PDE8A: variants seen among roughly 807,000 people sequenced by gnomAD.
PDE8A encodes the protein phosphodiesterase 8A, also known as high affinity cAMP-specific and IBMX-insensitive 3',5'-cyclic phosphodiesterase 8A.
Under a neutral mutation model 105.0 loss-of-function variants are expected in PDE8A, and 59 were observed. That is an observed-to-expected ratio of 0.56 (90% CI 0.46 to 0.70). The LOEUF (loss-of-function observed/expected upper bound fraction) is 0.70, where lower values mean the gene tolerates loss of function less well. Ranked by LOEUF, PDE8A falls within the 30% of genes least tolerant of loss-of-function variation. The pLI is 0.00. For missense variants in PDE8A, 1,014 were observed against 1,045.9 expected (o/e 0.97, Z 0.42); for synonymous variants, 355 against 371.9 (o/e 0.95, Z 0.52).
intron 13 of PDE8A, 60 bp downstream of exon 13, chr15:85,113,507 T>C: frequency 7.2e-7 from 1 of 1,394,984 alleles, no homozygotes; most frequent in Non-Finnish European, 1.0e-6. Context: ...TCCCCAAGGA[T>C]CATTTCCAAT....
chr15:85,034,579 C>T (rs1047442724), intron 1 of PDE8A, among the ~76,000 whole-genome samples: 2 of 152,108 alleles, frequency 1.3e-5, no homozygotes, highest in Non-Finnish European at 2.9e-5. Context: ...CAAAGGGTAC[C>T]ATGTAAAGCT....
chr15:85,101,351 C>T (rs1157657682), intron 11 of PDE8A, among the ~76,000 whole-genome samples: 2 of 152,124 alleles, frequency 1.3e-5, no homozygotes, highest in African/African-American at 4.8e-5. Flanking sequence ...GTCTTCTAGA[C>T]AGGGAGAGGT....
intron 18 of PDE8A, among the ~76,000 whole-genome samples, chr15:85,121,652 A>G (rs1030045782): frequency 2.6e-4 from 40 of 152,116 alleles, no homozygotes; most frequent in Non-Finnish European, 5.1e-4. Context: ...TAACATGTAC[A>G]GTGGTTTTTA....
Position 85,126,375 on chromosome 15 carries a change from G to T in PDE8A, c.2253+1G>T. ...CATTTCGGAAGAATATTTTTCTCAGGTAAGTTGCTGCCTCTTTTAAGTTTC... is the reference window on the plus strand; with the variant it reads ...CATTTCGGAAGAATATTTTTCTCAGTTAAGTTGCTGCCTCTTTTAAGTTTC... On this transcript the variant is annotated splice_donor_variant, in intron 20 of 21. Coordinates refer to ENST00000394553, the MANE Select transcript of PDE8A (RefSeq NM_002605.3). LOFTEE classifies it high-confidence loss of function. 3.2e-6 allele frequency: 5 copies of T among 1,562,700 alleles called. No individual in the cohort carries two copies. The highest frequency in any genetic ancestry group is 4.3e-6 in the Non-Finnish European group (5 of 1,149,994).
At chr15:85,049,140 C>T (rs1486389828) in intron 1 of PDE8A, among the ~76,000 whole-genome samples, 2 of 152,054 alleles carry the variant, frequency 1.3e-5, no homozygotes, top group Admixed American at 6.6e-5. Flanking sequence ...AATGATTATA[C>T]AGACCAGATG....
In PDE8A at chr15:84,982,239, T is replaced by A; in HGVS notation, c.77T>A (p.Leu26Gln). 6.8e-7 allele frequency: 1 copy of A among 1,466,800 alleles called. No individual in the cohort carries two copies. The highest frequency in any genetic ancestry group is 1.3e-5 in the South Asian group (1 of 76,642). The allele number at this position is 1,466,800 out of a possible 1,614,324, so 90.9% of individuals were successfully genotyped here. The change falls in exon 1 of 22, where the codon CTG (leucine) becomes CAG (glutamine). Residue 26 changes from leucine to glutamine, a missense_variant. By Grantham distance (113) the Leu-to-Gln change is moderately radical. Transcript: ENST00000394553. ...EDAPSPAAPP[L>Q]SSGGPRLPQG... ...GCGCCTAGCCCCGCGGCACCGCCGC[T>A]GTCGTCCGGCGGGCCGCGCCTCCCG...
intron 1 of PDE8A, among the ~76,000 whole-genome samples, chr15:85,021,630 G>GA (rs199896773): frequency 9.3e-5 from 14 of 151,178 alleles, no homozygotes; most frequent in East Asian, 3.9e-4. Flanking sequence ...AACAGCAGAA[G>GA]AAAAAAAAAT....
intron 1 of PDE8A, among the ~76,000 whole-genome samples, chr15:84,993,766 C>G (rs1195297898): frequency 2.0e-5 from 3 of 152,068 alleles, no homozygotes; most frequent in East Asian, 3.9e-4. Context: ...TGGTGCACAC[C>G]TGTAATCCCA....
intron 1 of PDE8A, among the ~76,000 whole-genome samples, chr15:85,032,737 A>G (rs913412650): frequency 2.0e-5 from 3 of 152,198 alleles, no homozygotes; most frequent in African/African-American, 7.2e-5. Flanking sequence ...TTTAAGTGGA[A>G]AAATGCATGG....
At chr15:85,056,354 C>T (rs2081059969) in intron 1 of PDE8A, among the ~76,000 whole-genome samples, 1 of 152,128 alleles carries the variant, frequency 6.6e-6, no homozygotes, top group South Asian at 2.1e-4. Context: ...GAATGTTGGC[C>T]TGCCTTGGTA....
At position 85,098,378 on chromosome 15, in the gene PDE8A, G is replaced by A. The variant is rs368917145; in HGVS notation, c.941+342G>A. 8.5e-5 allele frequency among the ~76,000 whole-genome samples: 13 copies of A among 152,118 alleles called. No homozygotes were observed. The East Asian group carries it at 9.7e-4, about 11-fold the overall frequency. On this transcript the variant is annotated intron_variant, in intron 9 of 21. Coordinates refer to ENST00000394553, the MANE Select transcript of PDE8A (RefSeq NM_002605.3). ...ATTGAAAAGATTTTTTATCTAATTT[G>A]ATAGGCTATGTATTATTTCTGCAGA...
intron 6 of PDE8A, 100 bp downstream of exon 6, chr15:85,083,744 G>T: frequency 1.3e-6 from 1 of 748,752 alleles, no homozygotes. Flanking sequence ...GCCTCTTGCA[G>T]AAATGGGATT....
At chr15:84,982,443 G>A in intron 1 of PDE8A, 95 bp downstream of exon 1, 1 of 708,246 alleles carries the variant, frequency 1.4e-6, no homozygotes, top group Non-Finnish European at 2.0e-6. Flanking sequence ...CCCCCCACCC[G>A]GCCTCGGTGC....
chr15:85,062,200 T>G (rs1457861958), intron 1 of PDE8A, among the ~76,000 whole-genome samples: 1 of 152,234 alleles, frequency 6.6e-6, no homozygotes, highest in Non-Finnish European at 1.5e-5. Flanking sequence ...TTGAATGTAA[T>G]AATGTGGTAA....
intron 1 of PDE8A, among the ~76,000 whole-genome samples, chr15:85,053,896 A>G (rs1222364172): frequency 2.0e-5 from 3 of 152,200 alleles, no homozygotes; most frequent in Non-Finnish European, 2.9e-5. Flanking sequence ...GTCTTGTGCC[A>G]GTTTTCAAAG....
chr15:84,993,430 G>A (rs192029721), intron 1 of PDE8A, among the ~76,000 whole-genome samples: 296 of 115,478 alleles, frequency 2.6e-3, no homozygotes, highest in African/African-American at 9.9e-3. Context: ...GCGACAGAGC[G>A]AGACTCCATC....
Position 85,097,967 on chromosome 15 carries a change from A to C in PDE8A, c.872A>C (p.Tyr291Ser). Residue 291 changes from tyrosine to serine, a missense_variant, in exon 9 of 22, where the codon TAT becomes TCT. Transcript: ENST00000394553. ...TTATAGGAGTGGCAAGGAATTTACT[A>C]TGCCAAAAAGAAAAACGGAGATAAT... The part of the protein sequence containing the change: ...RIGKEWQGIY[Y>S]AKKKNGDNIQ... 1 of 1,584,004 alleles carries C rather than the reference A, an allele frequency of 6.3e-7. No individual in the cohort carries two copies. The highest frequency in any genetic ancestry group is 8.7e-7 in the Non-Finnish European group (1 of 1,152,680).
At chr15:85,129,939 T>G (rs866165506) in intron 20 of PDE8A, among the ~76,000 whole-genome samples, 16 of 152,322 alleles carry the variant, frequency 1.1e-4, no homozygotes, top group African/African-American at 2.9e-4. Context: ...CCCTTGGTTG[T>G]TTAAGCGTAT....
chr15:84,985,890 A>G (rs556243695), intron 1 of PDE8A, among the ~76,000 whole-genome samples: 11 of 152,298 alleles, frequency 7.2e-5, no homozygotes, highest in Middle Eastern at 3.4e-3. Context: ...AGGGAATAAT[A>G]TATTTCTACC....
Sources: allele counts gnomAD v4.1 joint callset (sites outside exome capture counted in the v4.1 genomes callset), GRCh38; gene constraint gnomAD v4.1.1; transcripts MANE v1.5; gene names NCBI Gene and HGNC (gene_info 2026-07-23, HGNC 2026-07-21).